CCT7: variants seen among roughly 807,000 people sequenced by gnomAD.
CCT7 encodes the protein chaperonin containing TCP1 subunit 7, also known as T-complex protein 1 subunit eta.
Under a neutral mutation model 56.6 loss-of-function variants are expected in CCT7, and 16 were observed. The observed-to-expected ratio is 0.28, with a 90% CI of 0.19 to 0.43. CCT7 has a LOEUF of 0.43. CCT7 is among the 20% of genes least tolerant of loss of function. The probability of loss-of-function intolerance (pLI) is 1.00; values close to 1 mark genes in which losing one functional copy is unlikely to be tolerated. For synonymous variants in CCT7, 262 were observed against 254.8 expected, an observed-to-expected ratio of 1.03 and a Z score of -0.27; for missense variants, 519 against 685.6, an observed-to-expected ratio of 0.76 and a Z score of 2.71.
intron 5 of CCT7, 96 bp downstream of exon 5, chr2:73,244,145 C>T (rs1320395079): frequency 8.5e-6 from 10 of 1,178,724 alleles, no homozygotes; most frequent in African/African-American, 1.6e-5. Flanking sequence ...AAGTGATCTC[C>T]CACCTGCGAC....
At chr2:73,247,266 G>A (rs1163159959) in intron 6 of CCT7, among the ~76,000 whole-genome samples, 1 of 152,296 alleles carries the variant, frequency 6.6e-6, no homozygotes, top group East Asian at 1.9e-4. Flanking sequence ...TATCCATGCT[G>A]TTGGGGGTGT....
chr2:73,245,904 C>G (rs1447764941), intron 6 of CCT7, among the ~76,000 whole-genome samples: 1 of 152,206 alleles, frequency 6.6e-6, no homozygotes, highest in Non-Finnish European at 1.5e-5. Context: ...TCTTTACTCA[C>G]TGCTTTAGTA....
chr2:73,244,415 A>G (rs1207147988), intron 5 of CCT7, 129 bp from the exon 6 acceptor site: 14 of 751,838 alleles, frequency 1.9e-5, no homozygotes, highest in Non-Finnish European at 2.8e-5. Context: ...TGCCCTAAAG[A>G]TACAAAAGGT....
intron 4 of CCT7, 83 bp from the exon 5 acceptor site, chr2:73,243,914 A>T (rs1687219008): frequency 4.8e-6 from 6 of 1,260,186 alleles, no homozygotes; most frequent in Non-Finnish European, 5.8e-6. Context: ...GAGTGAACAG[A>T]CTCAGGACTA....
chr2:73,234,918 T>C (rs1001318097), intron 1 of CCT7, among the ~76,000 whole-genome samples: 2 of 152,210 alleles, frequency 1.3e-5, no homozygotes, highest in African/African-American at 4.8e-5. Flanking sequence ...CCTAGTACTT[T>C]TAATTCATTC....
At position 73,249,187 on chromosome 2, in the gene CCT7, G is replaced by C. The variant is rs1194667134; in HGVS notation, c.972+8G>C. On this transcript the variant is annotated splice_region_variant and intron_variant, in intron 8 of 11. Transcript: ENST00000258091. The stretch of plus-strand genomic sequence containing the variant: ...CTGAAGAGGACAATGATGGTAACCA[G>C]ATTTTCACAGGCTGCTTCTCGGCCT... 3 of 1,590,398 alleles carry C rather than the reference G, an allele frequency of 1.9e-6. No individual in the cohort carries two copies. The highest frequency in any genetic ancestry group is 1.7e-4 in the Middle Eastern group (1 of 5,948).
chr2:73,247,728 C>T (rs767440185), intron 6 of CCT7, 34 bp from the exon 7 acceptor site: 13 of 1,602,024 alleles, frequency 8.1e-6, no homozygotes. Flanking sequence ...CATGTTAGTA[C>T]CAAACCATTA....
In CCT7 at chr2:73,251,223, C is replaced by T. The variant is rs1315802888; in HGVS notation, c.1204-3C>T. On this transcript the variant is annotated splice_region_variant and splice_polypyrimidine_tract_variant and intron_variant, in intron 10 of 11. Coordinates refer to ENST00000258091, the MANE Select transcript of CCT7 (RefSeq NM_006429.4). Reference sequence around the variant, plus strand: ...ACATTGAGAGGTGGTCTGATCTCTGCAGAATGATTCAGTGGTGGCTGGTGG... The same window carrying T: ...ACATTGAGAGGTGGTCTGATCTCTGTAGAATGATTCAGTGGTGGCTGGTGG... The T allele has an allele frequency of 1.2e-6, 2 of 1,614,020 alleles. No individual in the cohort carries two copies. The highest frequency in any genetic ancestry group is 1.7e-5 in the Admixed American group (1 of 60,020).
At chr2:73,245,274 A>G (rs1687285148) in intron 6 of CCT7, among the ~76,000 whole-genome samples, 1 of 152,208 alleles carries the variant, frequency 6.6e-6, no homozygotes. Flanking sequence ...AAGACAAAAG[A>G]TTGCTTATAT....
intron 4 of CCT7, among the ~76,000 whole-genome samples, chr2:73,243,445 C>T (rs1304236421): frequency 1.3e-5 from 2 of 152,064 alleles, no homozygotes; most frequent in East Asian, 3.8e-4. Flanking sequence ...TATATTGAGA[C>T]CTAGCTATTA....
Position 73,249,837 on chromosome 2 carries a change from C to G in CCT7, c.991C>G (p.Gln331Glu), listed in dbSNP as rs1338984906. 6.2e-7 allele frequency: 1 copy of G among 1,613,458 alleles called. No homozygotes were observed. Among genetic ancestry groups the G allele is most frequent in the Non-Finnish European group, 8.5e-7 (1 of 1,179,488 alleles). The change falls in exon 9 of 12, where the codon CAG becomes GAG. Residue 331 changes from glutamine to glutamate, a missense_variant. By Grantham distance (29) the Gln-to-Glu change is conservative. Coordinates refer to ENST00000258091, the MANE Select transcript of CCT7 (RefSeq NM_006429.4). ...TCCCTAGGCCTGTGGAGGCTCAATC[C>G]AGACCAGTGTGAATGCTCTGTCAGC... ...RTMMACGGSIQTSVNALSADV... is the reference protein window; with the variant it reads ...RTMMACGGSIETSVNALSADV...
intron 9 of CCT7, 38 bp from the exon 10 acceptor site, chr2:73,250,268 C>G (rs2231436): frequency 2.5e-6 from 4 of 1,611,654 alleles, no homozygotes; most frequent in Middle Eastern, 1.7e-4. Context: ...TGGTGGCAGA[C>G]AAGAGTTCAT....
chr2:73,251,592 G>A (rs1023039975), intron 11 of CCT7, among the ~76,000 whole-genome samples, 160 bp downstream of exon 11: 2 of 152,208 alleles, frequency 1.3e-5, no homozygotes, highest in African/African-American at 2.4e-5. Flanking sequence ...GAGGGCAGAA[G>A]GAAAGCCATG....
At position 73,244,530 on chromosome 2, in the gene CCT7, C is replaced by T. The variant is rs769500151; in HGVS notation, c.447-14C>T. The stretch of plus-strand genomic sequence containing the variant: ...TTTTCAAGACCTGATGCAGATTCTG[C>T]CCTTGTGTCCCAGGGAGCAGAGGAA... On this transcript the variant is annotated splice_polypyrimidine_tract_variant and intron_variant, in intron 5 of 11. Coordinates refer to ENST00000258091, the MANE Select transcript of CCT7 (RefSeq NM_006429.4). The T allele has an allele frequency of 1.3e-5, 21 of 1,599,596 alleles. No individual in the cohort carries two copies. The highest frequency in any genetic ancestry group is 1.7e-5 in the Non-Finnish European group (20 of 1,170,568).
chr2:73,249,192 T>G lies in CCT7; in HGVS notation c.972+13T>G, dbSNP rs867944588. On this transcript the variant is annotated intron_variant, in intron 8 of 11. Transcript: ENST00000258091. ...GAGGACAATGATGGTAACCAGATTT[T>G]CACAGGCTGCTTCTCGGCCTTTGTG... The G allele has an allele frequency of 1.3e-6, 2 of 1,588,564 alleles. No homozygotes were observed. Among genetic ancestry groups the G allele is most frequent in the Middle Eastern group, 3.4e-4 (2 of 5,938 alleles).
Position 73,249,174 on chromosome 2 carries a change from A to G in CCT7, c.967A>G (p.Met323Val), listed in dbSNP as rs139247672. 3.8e-3 allele frequency: 6,027 copies of G among 1,600,252 alleles called. 157 individuals carry two copies. The highest frequency in any genetic ancestry group is 7.1e-4 in the Non-Finnish European group (826 of 1,170,164). The change falls in exon 8 of 12, where the codon ATG becomes GTG. Residue 323 changes from methionine to valine, a missense_variant. Around this residue, in one of 3 missense-constraint regions of CCT7, gnomAD observed 237 missense variants for 300.8 expected, o/e 0.79. Coordinates refer to ENST00000258091, the MANE Select transcript of CCT7 (RefSeq NM_006429.4). The stretch of plus-strand genomic sequence containing the variant: ...ACCTGAGGAGGATCTGAAGAGGACA[A>G]TGATGGTAACCAGATTTTCACAGGC... The part of the protein sequence containing the change: ...RVPEEDLKRT[M>V]MACGGSIQTS...
rs1320562594 is a variant in CCT7 at position 73,250,313 on chromosome 2, T to A, written c.1078T>A (p.Phe360Ile). ...ETQIGGERYN[F>I]FTGCPKAKTC... ...GTTTAATCCTGGGCATAGGTACAAT[T>A]TTTTTACTGGCTGCCCCAAGGCCAA... The change falls in exon 10 of 12, where the codon TTT becomes ATT. Residue 360 changes from phenylalanine (F) to isoleucine (I), a missense_variant. Around this residue, in one of 3 missense-constraint regions of CCT7, gnomAD observed 237 missense variants for 300.8 expected, o/e 0.79. Transcript: ENST00000258091. 2 of 1,614,018 alleles carry A rather than the reference T, an allele frequency of 1.2e-6. No individual in the cohort carries two copies. Among genetic ancestry groups the A allele is most frequent in the Non-Finnish European group, 1.7e-6 (2 of 1,180,006 alleles).
chr2:73,245,132 CTG>C (rs1687277613), intron 6 of CCT7, among the ~76,000 whole-genome samples: 1 of 152,200 alleles, frequency 6.6e-6, no homozygotes, highest in African/African-American at 2.4e-5. Flanking sequence ...ATATTTCAAA[CTG>C]TGAAGGGGCC....
intron 11 of CCT7, among the ~76,000 whole-genome samples, chr2:73,252,216 C>T (rs954826016): frequency 2.0e-5 from 3 of 151,898 alleles, no homozygotes; most frequent in Admixed American, 6.6e-5. Context: ...GTCACTTTAC[C>T]TCTGTGTCTC....
Sources: gnomAD v4.1 joint callset for allele counts (sites outside exome capture counted in the v4.1 genomes callset) on GRCh38, gnomAD v4.1.1 for gene constraint, gnomAD v4.1.1 regional missense constraint, MANE v1.5 for transcripts, NCBI Gene and HGNC (gene_info 2026-07-23, HGNC 2026-07-21) for gene names.